Variants in ADAM32 observed in about 807,000 individuals in gnomAD.
ADAM32 encodes disintegrin and metalloproteinase domain-containing protein 32.
A neutral mutation model predicts 114.9 loss-of-function variants in ADAM32; 89 were observed. The ratio of observed to expected loss-of-function variants is 0.77; its 90% CI spans 0.65 to 0.92. The LOEUF (loss-of-function observed/expected upper bound fraction) is 0.92, where lower values mean the gene tolerates loss of function less well. Among genes scored for constraint, ADAM32 ranks in the 40% least tolerant of loss-of-function variants. The probability of loss-of-function intolerance (pLI) is 0.00; values close to 1 mark genes in which losing one functional copy is unlikely to be tolerated. For missense variants in ADAM32, 870 were observed against 932.8 expected (o/e 0.93, Z 0.88); for synonymous variants, 285 against 307.5 (o/e 0.93, Z 0.77).
At chr8:39,235,389 G>T (rs1265147570) in intron 16 of ADAM32, among the ~76,000 whole-genome samples, 2 of 151,978 alleles carry the variant, frequency 1.3e-5, no homozygotes, top group Non-Finnish European at 2.9e-5. Context: ...CTTACTGTAG[G>T]TAAAGTATAT....
chr8:39,235,015 C>G (rs1810026544), intron 16 of ADAM32, among the ~76,000 whole-genome samples: 1 of 152,104 alleles, frequency 6.6e-6, no homozygotes, highest in South Asian at 2.1e-4. Context: ...CCCTCTCTGT[C>G]TGACTCTTCA....
intron 20 of ADAM32, 44 bp downstream of exon 20, chr8:39,270,958 A>C (rs753370813): frequency 5.2e-6 from 8 of 1,550,710 alleles, no homozygotes; most frequent in Non-Finnish European, 7.0e-6. Context: ...GTTGAAAATT[A>C]AGAGTTAATT....
chr8:39,130,741 G>A, intron 2 of ADAM32: 4 of 335,442 alleles, frequency 1.2e-5, no homozygotes, highest in South Asian at 9.3e-5. Context: ...TAATTCAATT[G>A]AAGCAAAAAA....
chr8:39,118,296 A>C, intron 2 of ADAM32, 131 bp downstream of exon 2: 1 of 487,262 alleles, frequency 2.1e-6, no homozygotes. Context: ...TAGGAATTAA[A>C]AGCTTTGATG....
chr8:39,199,708 G>C (rs535241348), intron 11 of ADAM32, among the ~76,000 whole-genome samples: 5 of 151,880 alleles, frequency 3.3e-5, no homozygotes, highest in Admixed American at 1.3e-4. Flanking sequence ...TGCCATGTTG[G>C]TGTGCTGCAC....
At chr8:39,257,109 A>G (rs1224013243) in intron 18 of ADAM32, 78 bp from the exon 19 acceptor site, 4 of 1,298,222 alleles carry the variant, frequency 3.1e-6, no homozygotes, top group Non-Finnish European at 4.1e-6. Flanking sequence ...GAAGATTTTA[A>G]TGAATGTGTT....
At chr8:39,113,608 C>A (rs1840256081) in intron 1 of ADAM32, among the ~76,000 whole-genome samples, 1 of 152,108 alleles carries the variant, frequency 6.6e-6, no homozygotes, top group Non-Finnish European at 1.5e-5. Flanking sequence ...CCACTGGACC[C>A]CAAGAAACTT....
chr8:39,178,864 T>G (rs1585468521), intron 10 of ADAM32, among the ~76,000 whole-genome samples: 1 of 152,198 alleles, frequency 6.6e-6, no homozygotes, highest in African/African-American at 2.4e-5. Flanking sequence ...GTATCACCAG[T>G]GAAGGCTAGG....
intron 2 of ADAM32, among the ~76,000 whole-genome samples, chr8:39,118,980 A>G (rs1342378515): frequency 6.6e-6 from 1 of 152,180 alleles, no homozygotes. Context: ...CTTTAGGGGC[A>G]TTTTATATAA....
At chr8:39,141,094 A>C (rs1359202496) in intron 3 of ADAM32, among the ~76,000 whole-genome samples, 1 of 151,948 alleles carries the variant, frequency 6.6e-6, no homozygotes, top group Non-Finnish European at 1.5e-5. Context: ...CTTCTTTATT[A>C]GTCTTGCTAG....
intron 19 of ADAM32, among the ~76,000 whole-genome samples, chr8:39,263,558 G>A (rs543868379): frequency 6.6e-6 from 1 of 152,130 alleles, no homozygotes; most frequent in East Asian, 1.9e-4. Context: ...GATTGGAATA[G>A]GGCTTTTAAA....
rs147538715 is a variant in ADAM32 at position 39,252,666 on chromosome 8, G to A, written c.1903-1748G>A. 1.3e-3 allele frequency among the ~76,000 whole-genome samples: 193 copies of A among 151,266 alleles called. 2 individuals carry two copies. Among genetic ancestry groups the A allele is most frequent in the Non-Finnish European group, 3.1e-4 (21 of 67,426 alleles). On this transcript the variant is annotated intron_variant, in intron 17 of 24. Transcript: ENST00000379907. ...GAGTTTTTGAAAAGATTAAAAAAAG[G>A]ACAAACTCTTAGGTAAAATAGCAAG...
At chr8:39,151,691 T>TTC (rs1803843799) in intron 6 of ADAM32, 143 bp downstream of exon 6, 6 of 632,964 alleles carry the variant, frequency 9.5e-6, no homozygotes, top group East Asian at 6.7e-5. Flanking sequence ...TTTTTTTTTT[T>TTC]CTCACTCTCT....
chr8:39,207,367 T>G (rs1807913929), intron 11 of ADAM32, among the ~76,000 whole-genome samples: 1 of 152,208 alleles, frequency 6.6e-6, no homozygotes, highest in African/African-American at 2.4e-5. Context: ...TTGATTTATA[T>G]ATACTTTTTA....
At chr8:39,275,307 TTC>T (rs755475378) in intron 21 of ADAM32, among the ~76,000 whole-genome samples, 1 of 152,002 alleles carries the variant, frequency 6.6e-6, no homozygotes, top group Non-Finnish European at 1.5e-5. Flanking sequence ...GCATTTTCAA[TTC>T]TCTCTCTCTC....
chr8:39,195,287 T>C (rs1034940627), intron 11 of ADAM32, among the ~76,000 whole-genome samples: 1 of 152,246 alleles, frequency 6.6e-6, no homozygotes, highest in Non-Finnish European at 1.5e-5. Flanking sequence ...ATTATTTTTT[T>C]ATTTGCCGTT....
intron 16 of ADAM32, among the ~76,000 whole-genome samples, chr8:39,239,897 A>G (rs1810444421): frequency 6.6e-6 from 1 of 152,174 alleles, no homozygotes; most frequent in African/African-American, 2.4e-5. Flanking sequence ...AAATACATAT[A>G]CACCTAACAC....
At chr8:39,191,251 T>A (rs982631782) in intron 11 of ADAM32, among the ~76,000 whole-genome samples, 24 of 152,330 alleles carry the variant, frequency 1.6e-4, no homozygotes, top group African/African-American at 5.1e-4. Context: ...CGATTTATAT[T>A]CCTTTGGGTA....
upstream of ADAM32, chr8:39,107,675 A>G: frequency 1.3e-6 from 2 of 1,535,900 alleles, no homozygotes; most frequent in South Asian, 2.4e-5. Context: ...ACGCTGTCCC[A>G]TGAACGTGCG....
Sources: gnomAD v4.1 joint callset for allele counts (sites outside exome capture counted in the v4.1 genomes callset) on GRCh38, gnomAD v4.1.1 for gene constraint, MANE v1.5 for transcripts, NCBI Gene and HGNC (gene_info 2026-07-23, HGNC 2026-07-21) for gene names.